PACSIN1: variants seen among roughly 807,000 people sequenced by gnomAD.
PACSIN1 encodes protein kinase C and casein kinase substrate in neurons protein 1.
Under a neutral mutation model 59.5 loss-of-function variants are expected in PACSIN1, and 15 were observed. The ratio of observed to expected loss-of-function variants is 0.25; its 90% CI spans 0.17 to 0.39. The LOEUF (loss-of-function observed/expected upper bound fraction) is 0.39. Ranked by LOEUF, PACSIN1 falls within the 10% of genes least tolerant of loss-of-function variation. The probability of loss-of-function intolerance (pLI) is 1.00; values close to 1 mark genes in which losing one functional copy is unlikely to be tolerated. For missense variants in PACSIN1, 420 were observed against 580.2 expected (o/e 0.72, Z 2.84); for synonymous variants, 210 against 220.6 (o/e 0.95, Z 0.42).
rs551267044 is a variant in PACSIN1 at position 34,510,431 on chromosome 6, G to A, written c.-63-15812G>A. On this transcript the variant is annotated intron_variant, in intron 1 of 9. Transcript: ENST00000244458. ...CCTGCCTCTTCTTTATCACTACCTC[G>A]TTTGCCACCTCTCTCTGTCTGGCTT... Among the ~76,000 whole-genome samples, 6 of 152,250 alleles carry A rather than the reference G, an allele frequency of 3.9e-5. No homozygotes were observed. In the South Asian group the frequency reaches 6.2e-4, roughly 16 times the overall value.
At chr6:34,527,629 T>C (rs113469983) in intron 3 of PACSIN1, 141 bp downstream of exon 3, 1 of 632,142 alleles carries the variant, frequency 1.6e-6, no homozygotes, top group Non-Finnish European at 2.4e-6. Flanking sequence ...TGTTCCCTCC[T>C]AGATCAAACC....
Position 34,515,331 on chromosome 6 carries a change from G to A in PACSIN1, c.-63-10912G>A, listed in dbSNP as rs981001480. The stretch of plus-strand genomic sequence containing the variant: ...ACCTCTTGTCTCCACCACTGCCACA[G>A]GTCCTGACTTTGTAGCCATGCCCCC... On this transcript the variant is annotated intron_variant, in intron 1 of 9. Transcript: ENST00000244458. The surrounding 1 kb of genome is among the most constrained non-coding windows in gnomAD (Gnocchi z 4.4). 6.6e-6 allele frequency among the ~76,000 whole-genome samples: 1 copy of A among 152,184 alleles called. No individual in the cohort carries two copies. Among genetic ancestry groups the A allele is most frequent in the Non-Finnish European group, 1.5e-5 (1 of 68,026 alleles).
At chr6:34,527,686 A>T (rs1021173692) in intron 3 of PACSIN1, 198 bp downstream of exon 3, 2 of 326,898 alleles carry the variant, frequency 6.1e-6, no homozygotes, top group Non-Finnish European at 9.8e-6. Flanking sequence ...GGTTGAATTA[A>T]AAAAAAAAAA....
At position 34,515,625 on chromosome 6, in the gene PACSIN1, C is replaced by T. The variant is rs79743675; in HGVS notation, c.-63-10618C>T. Among the ~76,000 whole-genome samples, 2,333 of 152,288 alleles carry T rather than the reference C, an allele frequency of 0.015. 27 individuals are homozygous for T. The highest frequency in any genetic ancestry group is 0.024 in the Non-Finnish European group (1,650 of 68,010). On this transcript the variant is annotated intron_variant, in intron 1 of 9. Coordinates refer to ENST00000244458, the MANE Select transcript of PACSIN1 (RefSeq NM_020804.5). This position sits in a 1 kb window ranked among gnomAD's most constrained non-coding sequence, Gnocchi z 4.4. ...ATCTACCTCCTGCCCCAACCTCAGG[C>T]CCTTCCCCTTCCTCGTTCTCCCTGG... is the stretch of plus-strand genomic sequence containing the variant.
In PACSIN1 at chr6:34,527,437, G is replaced by T; in HGVS notation, c.169G>T (p.Gly57Trp). 1 of 1,598,200 alleles carries T rather than the reference G, an allele frequency of 6.3e-7. No homozygotes were observed. ...GCGCGCCAAGATCGAGAAGGCGTAC[G>T]GGCAGCAGCTCACCGACTGGGCCAA... is the stretch of plus-strand genomic sequence containing the variant. ...QERAKIEKAY[G>W]QQLTDWAKRW... is the part of the protein sequence containing the mutation. Residue 57 changes from glycine (G) to tryptophan (W), a missense_variant, in exon 3 of 10, where the codon GGG (glycine) becomes TGG (tryptophan). Coordinates refer to ENST00000244458, the MANE Select transcript of PACSIN1 (RefSeq NM_020804.5).
rs1340701971 is a variant in PACSIN1 at position 34,515,103 on chromosome 6, A to G, written c.-63-11140A>G. 6.6e-6 allele frequency: 1 copy of G among 152,450 alleles called. No individual in the cohort carries two copies. Among genetic ancestry groups the G allele is most frequent in the Non-Finnish European group, 1.5e-5 (1 of 68,248 alleles). The allele number at this position is 152,450 out of a possible 1,614,324, so 9.4% of individuals were successfully genotyped here. A position where few individuals can be genotyped will look rare whatever the true frequency, so the allele number is the denominator to read the frequency against. ...TCGATGGCTGGAAGAGGCTGTGTGG[A>G]GAGTGGGGAACGGGGCTGCCCTGCC... On this transcript the variant is annotated intron_variant, in intron 1 of 9. Coordinates refer to ENST00000244458, the MANE Select transcript of PACSIN1 (RefSeq NM_020804.5). The surrounding 1 kb of genome is among the most constrained non-coding windows in gnomAD (Gnocchi z 4.4).
chr6:34,479,755 T>G (rs1766689404), intron 1 of PACSIN1, among the ~76,000 whole-genome samples: 1 of 147,780 alleles, frequency 6.8e-6, no homozygotes, highest in Non-Finnish European at 1.5e-5. Context: ...CACACTTGGT[T>G]TTTTTGAATT....
chr6:34,522,606 G>C (rs1189795940), intron 1 of PACSIN1, among the ~76,000 whole-genome samples: 1 of 152,190 alleles, frequency 6.6e-6, no homozygotes, highest in Non-Finnish European at 1.5e-5. Flanking sequence ...AGATGGATGA[G>C]AAGGGATTTA....
intron 1 of PACSIN1, among the ~76,000 whole-genome samples, chr6:34,510,174 C>T (rs980097750): frequency 2.0e-5 from 3 of 152,242 alleles, no homozygotes; most frequent in East Asian, 1.9e-4. Flanking sequence ...CTTGGACGTG[C>T]GTTTTCACGG....
chr6:34,499,695 C>G (rs1246151920), intron 1 of PACSIN1, among the ~76,000 whole-genome samples: 2 of 151,850 alleles, frequency 1.3e-5, no homozygotes, highest in Non-Finnish European at 2.9e-5. Context: ...ACTCAGGAGG[C>G]TGAGGCAGGA....
chr6:34,497,690 G>T (rs1390839870), intron 1 of PACSIN1, among the ~76,000 whole-genome samples: 1 of 152,088 alleles, frequency 6.6e-6, no homozygotes, highest in Non-Finnish European at 1.5e-5. Context: ...TCCCTCCCAC[G>T]CTCTGCTGGG....
rs116848187 is a variant in PACSIN1 at position 34,506,314 on chromosome 6, C to T, written c.-63-19929C>T. Among the ~76,000 whole-genome samples, 70 of 152,266 alleles carry T rather than the reference C, an allele frequency of 4.6e-4. No individual in the cohort carries two copies. In the East Asian group the frequency reaches 0.014, roughly 29 times the overall value. The stretch of plus-strand genomic sequence containing the variant: ...TTCATTGCTGCCTCGACCTACTGGG[C>T]TCAAGCAATCCTCCCACCTAAGCCT... On this transcript the variant is annotated intron_variant, in intron 1 of 9. Coordinates refer to ENST00000244458, the MANE Select transcript of PACSIN1 (RefSeq NM_020804.5).
intron 1 of PACSIN1, among the ~76,000 whole-genome samples, chr6:34,519,841 A>T (rs1462089546): frequency 6.6e-6 from 1 of 152,166 alleles, no homozygotes. Flanking sequence ...CCTCATCTGC[A>T]GATATTCTGT....
rs1015574747 is a variant in PACSIN1 at position 34,518,194 on chromosome 6, G to A, written c.-63-8049G>A. On this transcript the variant is annotated intron_variant, in intron 1 of 9. Coordinates refer to ENST00000244458, the MANE Select transcript of PACSIN1 (RefSeq NM_020804.5). This position sits in a 1 kb window ranked among gnomAD's most constrained non-coding sequence, Gnocchi z 4.4. Reference sequence around the variant, plus strand: ...CCCACCCCAAGCCACTGAAGCGGGAGGGCCACGGCCCCTTCTTCCTGGTCA... The same window carrying A: ...CCCACCCCAAGCCACTGAAGCGGGAAGGCCACGGCCCCTTCTTCCTGGTCA... 1.3e-5 allele frequency among the ~76,000 whole-genome samples: 2 copies of A among 152,222 alleles called. No individual in the cohort carries two copies. Among genetic ancestry groups the A allele is most frequent in the Non-Finnish European group, 2.9e-5 (2 of 68,034 alleles).
At position 34,531,293 on chromosome 6, in the gene PACSIN1, C is replaced by T. The variant is rs1767588830; in HGVS notation, c.1038-307C>T. ...TAAACCTCAGAGCCAGATATGTTGC[C>T]CAGGAGGTCTGACTCCAGGATCCTT... On this transcript the variant is annotated intron_variant, in intron 8 of 9. Transcript: ENST00000244458. The surrounding 1 kb of genome is among the most constrained non-coding windows in gnomAD (Gnocchi z 4.4). Among the ~76,000 whole-genome samples the T allele has an allele frequency of 6.6e-6, 1 of 152,168 alleles. No individual in the cohort carries two copies. Among genetic ancestry groups the T allele is most frequent in the South Asian group, 2.1e-4 (1 of 4,830 alleles).
At chr6:34,504,004 A>AT (rs1479568343) in intron 1 of PACSIN1, among the ~76,000 whole-genome samples, 3 of 151,534 alleles carry the variant, frequency 2.0e-5, no homozygotes, top group East Asian at 1.9e-4. Context: ...TTTTGTATAG[A>AT]TTTTTTTTAG....
At chr6:34,482,996 T>A (rs1211513823) in intron 1 of PACSIN1, among the ~76,000 whole-genome samples, 1 of 139,696 alleles carries the variant, frequency 7.2e-6, no homozygotes, top group Non-Finnish European at 1.5e-5. Context: ...CAACTCCATG[T>A]TTAACTTTTT....
intron 1 of PACSIN1, among the ~76,000 whole-genome samples, chr6:34,479,166 A>G (rs964330398): frequency 6.6e-6 from 1 of 152,144 alleles, no homozygotes; most frequent in Non-Finnish European, 1.5e-5. Context: ...TCAGATTTCA[A>G]CATGTGTTTT....
At chr6:34,510,856 G>A (rs1220765782) in intron 1 of PACSIN1, among the ~76,000 whole-genome samples, 1 of 152,166 alleles carries the variant, frequency 6.6e-6, no homozygotes, top group Non-Finnish European at 1.5e-5. Context: ...GGGACTACAG[G>A]CACATGCCGC....
Sources: gnomAD v4.1 joint callset for allele counts (sites outside exome capture counted in the v4.1 genomes callset) on GRCh38, gnomAD v4.1.1 for gene constraint, Gnocchi (gnomAD v3.1) non-coding constraint, MANE v1.5 for transcripts, NCBI Gene and HGNC (gene_info 2026-07-23, HGNC 2026-07-21) for gene names.